CDH18: variants seen among roughly 807,000 people sequenced by gnomAD.
CDH18 encodes the protein cadherin-18.
A neutral mutation model predicts 67.9 loss-of-function variants in CDH18; 31 were observed. The observed-to-expected ratio is 0.46, with a 90% CI of 0.34 to 0.62. The LOEUF is 0.62. CDH18 is among the 20% of genes least tolerant of loss of function. CDH18 has a pLI of 0.01. For missense variants in CDH18, 890 were observed against 975.5 expected (o/e 0.91, Z 1.17); for synonymous variants, 362 against 347.2 (o/e 1.04, Z -0.48).
intron 5 of CDH18, among the ~76,000 whole-genome samples, chr5:19,649,703 T>C (rs1442329203): frequency 6.6e-6 from 1 of 152,040 alleles, no homozygotes; most frequent in African/African-American, 2.4e-5. Context: ...AAAGGTCTCA[T>C]CATAAAAAAT....
At position 20,409,453 on chromosome 5, in the gene CDH18, C is replaced by A. The variant is rs557131708; in HGVS notation, c.-579-153948G>T. Among the ~76,000 whole-genome samples, 8 of 151,600 alleles carry A rather than the reference C, an allele frequency of 5.3e-5. No individual in the cohort carries two copies. In the South Asian group the frequency reaches 1.2e-3, roughly 24 times the overall value. ...AAAAAGAGATGATAATATAAATATG[C>A]AATTGCTTTGATAACAATTTTTTAA... On this transcript the variant is annotated intron_variant, in intron 1 of 14. Coordinates refer to the CDH18 transcript ENST00000507958.
chr5:19,850,527 T>C (rs1449194323), intron 2 of CDH18, among the ~76,000 whole-genome samples: 3 of 151,838 alleles, frequency 2.0e-5, no homozygotes, highest in African/African-American at 7.2e-5. Context: ...ACAGTTTAAA[T>C]GAGTCTGATT....
chr5:19,883,044 T>C (rs1009094721), intron 2 of CDH18, among the ~76,000 whole-genome samples: 1 of 152,140 alleles, frequency 6.6e-6, no homozygotes, highest in Non-Finnish European at 1.5e-5. Flanking sequence ...CAAGGTAGTT[T>C]AACCCTGAAA....
chr5:20,238,928 G>GA (rs1742678018), intron 2 of CDH18, among the ~76,000 whole-genome samples: 1 of 152,084 alleles, frequency 6.6e-6, no homozygotes, highest in African/African-American at 2.4e-5. Context: ...TTTATCATGG[G>GA]AAAAATCTGT....
At chr5:20,072,326 T>A (rs1240351589) in intron 2 of CDH18, among the ~76,000 whole-genome samples, 1 of 152,076 alleles carries the variant, frequency 6.6e-6, no homozygotes, top group Non-Finnish European at 1.5e-5. Flanking sequence ...AGAGGATTAT[T>A]CCACTCTACC....
chr5:20,383,772 G>A (rs1169174515), intron 1 of CDH18, among the ~76,000 whole-genome samples: 1 of 152,026 alleles, frequency 6.6e-6, no homozygotes, highest in Admixed American at 6.6e-5. Context: ...AATATAATTT[G>A]TAATAAAACA....
At chr5:20,556,939 G>A (rs929651037) in intron 1 of CDH18, among the ~76,000 whole-genome samples, 5 of 152,022 alleles carry the variant, frequency 3.3e-5, no homozygotes, top group African/African-American at 7.2e-5. Flanking sequence ...TTCAAAGTGG[G>A]GTTGAGATAA....
intron 2 of CDH18, among the ~76,000 whole-genome samples, chr5:19,922,671 G>C (rs1026784380): frequency 2.0e-5 from 3 of 152,002 alleles, no homozygotes; most frequent in Admixed American, 1.3e-4. Flanking sequence ...TTCTATACCG[G>C]GAAATTGTTC....
chr5:19,887,310 A>G (rs1486345118), intron 2 of CDH18, among the ~76,000 whole-genome samples: 1 of 151,828 alleles, frequency 6.6e-6, no homozygotes, highest in Non-Finnish European at 1.5e-5. Context: ...GGTTTCTATG[A>G]GTTATATTCT....
At chr5:20,422,612 T>C (rs1458076739) in intron 1 of CDH18, among the ~76,000 whole-genome samples, 1 of 151,074 alleles carries the variant, frequency 6.6e-6, no homozygotes, top group Non-Finnish European at 1.5e-5. Flanking sequence ...ACAATAAAAA[T>C]ATTGTTTCTT....
intron 1 of CDH18, among the ~76,000 whole-genome samples, chr5:20,571,262 G>A (rs776477765): frequency 5.3e-5 from 8 of 151,978 alleles, no homozygotes; most frequent in Admixed American, 1.3e-4. Context: ...GCCAAATTTC[G>A]CAACATACAA....
At chr5:19,539,268 C>T (rs1021699029) in intron 9 of CDH18, among the ~76,000 whole-genome samples, 1 of 152,120 alleles carries the variant, frequency 6.6e-6, no homozygotes, top group Non-Finnish European at 1.5e-5. Context: ...ATTTACTGTA[C>T]TGCTTTACTT....
chr5:19,552,310 A>C (rs1737597751), intron 8 of CDH18, among the ~76,000 whole-genome samples: 1 of 152,134 alleles, frequency 6.6e-6, no homozygotes, highest in African/African-American at 2.4e-5. Context: ...TTTGCGCCTC[A>C]CCCAAAATTC....
intron 3 of CDH18, among the ~76,000 whole-genome samples, chr5:19,818,421 T>C (rs1026567195): frequency 2.6e-5 from 4 of 152,164 alleles, no homozygotes; most frequent in Non-Finnish European, 5.9e-5. Context: ...TATTCAACTT[T>C]TGAAAAATGA....
chr5:20,105,747 T>C (rs147785724), intron 2 of CDH18, among the ~76,000 whole-genome samples: 2 of 152,344 alleles, frequency 1.3e-5, no homozygotes, highest in African/African-American at 4.8e-5. Flanking sequence ...GTCTCAGATA[T>C]TCAGACCTTT....
intron 3 of CDH18, among the ~76,000 whole-genome samples, chr5:19,748,112 C>CAAAAAAAAAAGAAA (rs1770329047): frequency 6.7e-5 from 1 of 14,858 alleles, no homozygotes. Context: ...GACTCCATCT[C>CAAAAAAAAAAGAAA]AAAAAAAAAA....
chr5:19,899,870 G>A (rs982874527), intron 2 of CDH18, among the ~76,000 whole-genome samples: 2 of 152,024 alleles, frequency 1.3e-5, no homozygotes, highest in African/African-American at 2.4e-5. Context: ...CCACTTATAC[G>A]AGGTATCTGT....
At chr5:19,748,212 T>C (rs983019238) in intron 3 of CDH18, among the ~76,000 whole-genome samples, 9 of 150,168 alleles carry the variant, frequency 6.0e-5, no homozygotes, top group Admixed American at 6.7e-5. Flanking sequence ...AGCAGTAATA[T>C]ATTTAGTTGA....
chr5:19,949,158 A>C (rs1307585197), intron 2 of CDH18, among the ~76,000 whole-genome samples: 1 of 152,170 alleles, frequency 6.6e-6, no homozygotes, highest in Non-Finnish European at 1.5e-5. Context: ...GCGCAGAAAA[A>C]TAACATTAAG....
Sources: gnomAD v4.1 joint callset for allele counts (sites outside exome capture counted in the v4.1 genomes callset) on GRCh38, gnomAD v4.1.1 for gene constraint, MANE v1.5 for transcripts, NCBI Gene and HGNC (gene_info 2026-07-23, HGNC 2026-07-21) for gene names.